Variants in TUSC3 observed in about 807,000 individuals in gnomAD.
The protein encoded by TUSC3 is tumor suppressor candidate 3, also known as dolichyl-diphosphooligosaccharide--protein glycosyltransferase subunit TUSC3.
A neutral mutation model predicts 44.8 loss-of-function variants in TUSC3; 45 were observed. The ratio of observed to expected loss-of-function variants is 1.00; its 90% CI spans 0.79 to 1.29. The LOEUF (loss-of-function observed/expected upper bound fraction) is 1.29. Among genes scored for constraint, TUSC3 ranks in the 50% most tolerant of loss-of-function variants. The probability of loss-of-function intolerance (pLI) is 0.00; values close to 1 mark genes in which losing one functional copy is unlikely to be tolerated. For synonymous variants in TUSC3, 212 were observed against 152.9 expected (o/e 1.39, Z -2.85); for missense variants, 519 against 437.9 (o/e 1.19, Z -1.65).
chr8:15,552,653 G>C (rs1331341867), intron 1 of TUSC3, among the ~76,000 whole-genome samples: 4 of 151,642 alleles, frequency 2.6e-5, no homozygotes, highest in Non-Finnish European at 4.4e-5. Flanking sequence ...CACAGGGTGG[G>C]GGAATAGTGG....
the TUSC3 span, among the ~76,000 whole-genome samples, chr8:15,841,422 T>A: frequency 6.6e-6 from 1 of 152,332 alleles, no homozygotes; most frequent in Non-Finnish European, 1.5e-5. Flanking sequence ...TATTCTAATA[T>A]AATCAGCCAA....
chr8:15,632,481 C>G lies in TUSC3; in HGVS notation c.308+9232C>G, dbSNP rs1270542529. ...GATTAGGGTGATGGTTGTCAGATCT[C>G]TCCATTGTACAGGGAAATTTTTTTT... On this transcript the variant is annotated intron_variant, in intron 2 of 10. Coordinates refer to ENST00000503731, the MANE Select transcript of TUSC3 (RefSeq NM_006765.4). 2.0e-5 allele frequency among the ~76,000 whole-genome samples: 3 copies of G among 152,108 alleles called. 1 individual carries two copies. Among genetic ancestry groups the G allele is most frequent in the African/African-American group, 7.2e-5 (3 of 41,424 alleles).
At chr8:15,468,308 G>A (rs1800440638) in intron 1 of TUSC3, among the ~76,000 whole-genome samples, 2 of 152,190 alleles carry the variant, frequency 1.3e-5, no homozygotes, top group African/African-American at 4.8e-5. Context: ...AGCCCACTGG[G>A]TGTTGAACGG....
chr8:15,681,924 A>G (rs1808444343), intron 6 of TUSC3, among the ~76,000 whole-genome samples: 1 of 152,132 alleles, frequency 6.6e-6, no homozygotes. Flanking sequence ...TATTTACCCA[A>G]AAATCATTCA....
the TUSC3 span, among the ~76,000 whole-genome samples, chr8:15,785,022 T>C: frequency 9.9e-5 from 15 of 151,864 alleles, no homozygotes; most frequent in Admixed American, 2.0e-4. Context: ...TATATATATA[T>C]ACACACAATT....
chr8:15,524,357 T>C (rs1801344695), intron 2 of TUSC3, among the ~76,000 whole-genome samples: 2 of 152,186 alleles, frequency 1.3e-5, no homozygotes. Flanking sequence ...TCACTCACCA[T>C]GTCTAATGGA....
In TUSC3 at chr8:15,764,247, G is replaced by A; in HGVS notation, c.*91G>A. 1 of 1,603,068 alleles carries A rather than the reference G, an allele frequency of 6.2e-7. No individual in the cohort carries two copies. Among genetic ancestry groups the A allele is most frequent in the East Asian group, 2.2e-5 (1 of 44,520 alleles). ...CAAGTGGGATTTGCATAAAGTGAAT[G>A]TTTACCATGAAGATAAACTGTTCCT... On this transcript the variant is annotated 3_prime_UTR_variant, in exon 11 of 11. Transcript: ENST00000503731.
chr8:15,733,174 A>G (rs1810791791), intron 7 of TUSC3, among the ~76,000 whole-genome samples: 1 of 152,196 alleles, frequency 6.6e-6, no homozygotes, highest in African/African-American at 2.4e-5. Context: ...ATGTTTATAG[A>G]CATATCTACT....
chr8:15,584,877 G>A (rs1404553723), intron 1 of TUSC3, among the ~76,000 whole-genome samples: 1 of 152,074 alleles, frequency 6.6e-6, no homozygotes, highest in African/African-American at 2.4e-5. Context: ...ATAATTGGAG[G>A]TAAAGCTTTG....
chr8:15,693,892 G>A (rs1809031608), intron 6 of TUSC3, among the ~76,000 whole-genome samples: 1 of 151,788 alleles, frequency 6.6e-6, no homozygotes, highest in African/African-American at 2.4e-5. Flanking sequence ...GCCAGTCTTT[G>A]ACCTCTGAGA....
At chr8:15,718,828 A>G (rs1810173395) in intron 6 of TUSC3, among the ~76,000 whole-genome samples, 1 of 152,128 alleles carries the variant, frequency 6.6e-6, no homozygotes, top group African/African-American at 2.4e-5. Context: ...ACATTAAAAT[A>G]ACTAAATCTT....
chr8:15,446,407 G>A (rs899042173), intron 1 of TUSC3, among the ~76,000 whole-genome samples: 4 of 152,034 alleles, frequency 2.6e-5, no homozygotes, highest in African/African-American at 9.7e-5. Flanking sequence ...AGCGAGTCGA[G>A]ATCACGCCAC....
chr8:15,749,247 G>T (rs1329696984), intron 9 of TUSC3, among the ~76,000 whole-genome samples: 1 of 152,084 alleles, frequency 6.6e-6, no homozygotes, highest in South Asian at 2.1e-4. Flanking sequence ...TAGAACCAGT[G>T]ATATGTTGAT....
intron 1 of TUSC3, among the ~76,000 whole-genome samples, chr8:15,603,360 A>T (rs1804374047): frequency 6.6e-6 from 1 of 151,638 alleles, no homozygotes; most frequent in African/African-American, 2.4e-5. Context: ...AAAGTCTGAC[A>T]GTGTTAGTGT....
intron 2 of TUSC3, among the ~76,000 whole-genome samples, chr8:15,511,378 G>C (rs1427327427): frequency 1.3e-5 from 2 of 152,132 alleles, no homozygotes; most frequent in Non-Finnish European, 2.9e-5. Context: ...CATATAAATA[G>C]AAAATGTGAT....
At chr8:15,813,722 A>G in the TUSC3 span, among the ~76,000 whole-genome samples, 1 of 152,066 alleles carries the variant, frequency 6.6e-6, no homozygotes, top group African/African-American at 2.4e-5. Flanking sequence ...CTGTCTTTAC[A>G]CTCTTGGGAT....
At chr8:15,709,847 A>T (rs1451080938) in intron 6 of TUSC3, among the ~76,000 whole-genome samples, 1 of 151,868 alleles carries the variant, frequency 6.6e-6, no homozygotes. Flanking sequence ...TTAATATAGC[A>T]TACTGGCTCA....
the TUSC3 span, among the ~76,000 whole-genome samples, chr8:15,776,070 T>G: frequency 6.6e-6 from 1 of 152,088 alleles, no homozygotes; most frequent in Non-Finnish European, 1.5e-5. Context: ...TACAGAATAG[T>G]TTCTCTATGA....
rs146718595 is a variant in TUSC3 at position 15,694,435 on chromosome 8, CAAAAAAAAA to C, written c.798+20616_798+20624del. Among the ~76,000 whole-genome samples, 78 of 83,186 alleles carry C rather than the reference CAAAAAAAAA, an allele frequency of 9.4e-4. 1 individual carries two copies. Among genetic ancestry groups the C allele is most frequent in the Middle Eastern group, 7.6e-3 (1 of 132 alleles). 54.6% of individuals were successfully genotyped at this position (83,186 alleles called of 152,430 possible). On this transcript the variant is annotated intron_variant, in intron 6 of 10. Transcript: ENST00000503731. The stretch of plus-strand genomic sequence containing the variant: ...TGAGCAACAAGACGGAAACTCCATC[CAAAAAAAAA>C]AAAAAAAAAAAAAAAAGATTGTTGG...
Sources: gnomAD v4.1 joint callset for allele counts (sites outside exome capture counted in the v4.1 genomes callset) on GRCh38, gnomAD v4.1.1 for gene constraint, MANE v1.5 for transcripts, NCBI Gene and HGNC (gene_info 2026-07-23, HGNC 2026-07-21) for gene names.